Variants in WDR70 observed in about 807,000 individuals in gnomAD.
WDR70 encodes WD repeat-containing protein 70.
In WDR70, 53 loss-of-function variants were observed where a neutral mutation model predicts 88.6. The ratio of observed to expected loss-of-function variants is 0.60; its 90% CI spans 0.48 to 0.75. The LOEUF (loss-of-function observed/expected upper bound fraction) is 0.75. Ranked by LOEUF, WDR70 falls within the 30% of genes least tolerant of loss-of-function variation. WDR70 has a pLI of 0.00. For missense variants in WDR70, 610 were observed against 823.2 expected (o/e 0.74, Z 3.17); for synonymous variants, 280 against 270.0 (o/e 1.04, Z -0.36).
intron 10 of WDR70, among the ~76,000 whole-genome samples, chr5:37,641,942 G>A (rs7736605): frequency 0.049 from 7,386 of 152,256 alleles, 582 homozygotes; most frequent in African/African-American, 0.16. Context: ...GTTTGGGGTT[G>A]TAATTAAATG....
At chr5:37,594,670 G>A (rs748259397) in intron 9 of WDR70, among the ~76,000 whole-genome samples, 3 of 152,160 alleles carry the variant, frequency 2.0e-5, no homozygotes, top group East Asian at 1.9e-4. Context: ...TTCCAATTCT[G>A]TGAAGAAAGT....
At chr5:37,493,871 C>T (rs768861514) in intron 8 of WDR70, among the ~76,000 whole-genome samples, 5 of 149,586 alleles carry the variant, frequency 3.3e-5, no homozygotes, top group Admixed American at 6.7e-5. Context: ...CACTCTGTCG[C>T]GCAGTGGCGT....
chr5:37,562,799 G>T lies in WDR70; in HGVS notation c.918-42265G>T, dbSNP rs537156033. ...AGATCAACAGGATCCCAAGGCAGAA[G>T]AATTTTTCTTAGTACAGAACAAAAT... On this transcript the variant is annotated intron_variant, in intron 9 of 17. Transcript: ENST00000265107. Among the ~76,000 whole-genome samples the T allele has an allele frequency of 3.3e-5, 5 of 152,102 alleles. No homozygotes were observed. The East Asian group carries it at 7.8e-4, about 24-fold the overall frequency.
chr5:37,415,638 C>T (rs377405382), intron 5 of WDR70, among the ~76,000 whole-genome samples: 9 of 146,156 alleles, frequency 6.2e-5, no homozygotes, highest in Admixed American at 6.7e-5. Context: ...CCCTCCCGGA[C>T]GGGGCGGCTG....
intron 8 of WDR70, among the ~76,000 whole-genome samples, chr5:37,496,788 T>G (rs1581337326): frequency 6.6e-6 from 1 of 152,314 alleles, no homozygotes; most frequent in Non-Finnish European, 1.5e-5. Context: ...CAGCCATCTG[T>G]AGAATTCCTG....
At chr5:37,673,979 TG>T (rs1332764264) in intron 10 of WDR70, among the ~76,000 whole-genome samples, 1 of 152,232 alleles carries the variant, frequency 6.6e-6, no homozygotes, top group Non-Finnish European at 1.5e-5. Flanking sequence ...CAGTATTCCA[TG>T]GTGTGTATGT....
chr5:37,699,331 TACAC>T (rs67566263), intron 11 of WDR70, among the ~76,000 whole-genome samples: 92,916 of 141,456 alleles, frequency 0.66, 30,492 homozygotes, highest in African/African-American at 0.72. Context: ...CTTTCCATCA[TACAC>T]ACACACACAC....
chr5:37,499,844 T>C (rs1221997032), intron 8 of WDR70, among the ~76,000 whole-genome samples: 8 of 152,198 alleles, frequency 5.3e-5, no homozygotes, highest in African/African-American at 1.9e-4. Flanking sequence ...TGAGTCAGTC[T>C]GTGGCTTTTC....
chr5:37,397,469 CAAAA>C (rs58483851), intron 5 of WDR70, among the ~76,000 whole-genome samples: 3 of 130,754 alleles, frequency 2.3e-5, no homozygotes, highest in Admixed American at 7.7e-5. Context: ...AACTCTGTTT[CAAAA>C]AAAAAAAAAA....
chr5:37,386,894 T>C (rs964251986), intron 3 of WDR70, among the ~76,000 whole-genome samples: 9 of 152,034 alleles, frequency 5.9e-5, no homozygotes, highest in Admixed American at 3.3e-4. Flanking sequence ...AATCAGGAGT[T>C]TGAGATCAGC....
intron 10 of WDR70, among the ~76,000 whole-genome samples, chr5:37,676,742 G>C (rs1260220195): frequency 6.6e-6 from 1 of 151,620 alleles, no homozygotes; most frequent in East Asian, 1.9e-4. Flanking sequence ...GATGATGCTG[G>C]CCTCATAAAA....
At chr5:37,450,530 C>A (rs902661877) in intron 7 of WDR70, among the ~76,000 whole-genome samples, 50 of 152,286 alleles carry the variant, frequency 3.3e-4, no homozygotes, top group African/African-American at 1.1e-3. Context: ...TCATGCTTTT[C>A]TGTATCATCA....
chr5:37,433,307 T>C (rs1750369505), intron 5 of WDR70, among the ~76,000 whole-genome samples: 1 of 152,044 alleles, frequency 6.6e-6, no homozygotes. Context: ...GTGATCCGCC[T>C]ACCTTGGCCT....
intron 5 of WDR70, among the ~76,000 whole-genome samples, chr5:37,414,479 C>T (rs2111967049): frequency 6.6e-6 from 1 of 152,328 alleles, no homozygotes. Context: ...TAGGTCCCCC[C>T]TGCTCCCCAT....
intron 6 of WDR70, among the ~76,000 whole-genome samples, chr5:37,442,002 A>G (rs185522580): frequency 0.026 from 3,925 of 151,248 alleles, 77 homozygotes; most frequent in Non-Finnish European, 0.036. Flanking sequence ...TGACGTGTGA[A>G]TTGGACCTAG....
chr5:37,503,244 ATCTTT>A, intron 8 of WDR70, among the ~76,000 whole-genome samples: 1 of 144,898 alleles, frequency 6.9e-6, no homozygotes, highest in Non-Finnish European at 1.5e-5. Context: ...CTTTTTCTCA[ATCTTT>A]TCTTATCTTT....
intron 5 of WDR70, among the ~76,000 whole-genome samples, chr5:37,397,436 G>A (rs923462440): frequency 2.7e-5 from 4 of 146,968 alleles, no homozygotes; most frequent in Non-Finnish European, 6.0e-5. Flanking sequence ...GCCATTGCAC[G>A]CCAGCCTGGG....
At chr5:37,528,830 T>C (rs1195782065) in intron 9 of WDR70, among the ~76,000 whole-genome samples, 1 of 152,128 alleles carries the variant, frequency 6.6e-6, no homozygotes, top group East Asian at 1.9e-4. Flanking sequence ...GAGTCCCATT[T>C]ATTTATCTTT....
At chr5:37,540,489 C>T (rs1741785588) in intron 9 of WDR70, among the ~76,000 whole-genome samples, 1 of 152,206 alleles carries the variant, frequency 6.6e-6, no homozygotes, top group Non-Finnish European at 1.5e-5. Context: ...TCAAGCCATT[C>T]TCCTGCCTCA....
Sources: gnomAD v4.1 joint callset for allele counts (sites outside exome capture counted in the v4.1 genomes callset) on GRCh38, gnomAD v4.1.1 for gene constraint, MANE v1.5 for transcripts, NCBI Gene and HGNC (gene_info 2026-07-23, HGNC 2026-07-21) for gene names.